Variants in FHIT observed in about 807,000 individuals in gnomAD.
The protein encoded by FHIT is bis(5'-adenosyl)-triphosphatase.
Under a neutral mutation model 17.9 loss-of-function variants are expected in FHIT, and 19 were observed. The observed-to-expected ratio is 1.06, with a 90% CI of 0.74 to 1.56. FHIT has a LOEUF of 1.56. Ranked by LOEUF, FHIT falls within the 40% of genes most tolerant of loss-of-function variation. The probability of loss-of-function intolerance (pLI) is 0.00; values close to 1 mark genes in which losing one functional copy is unlikely to be tolerated. For missense variants in FHIT, 248 were observed against 189.2 expected (o/e 1.31, Z -1.82); for synonymous variants, 81 against 69.7 (o/e 1.16, Z -0.81).
At chr3:60,554,237 C>T (rs530392686) in intron 4 of FHIT, among the ~76,000 whole-genome samples, 183 of 112,394 alleles carry the variant, frequency 1.6e-3, no homozygotes, top group African/African-American at 7.8e-3. Context: ...TTCATCTTAA[C>T]GGTTAAAAAA....
At chr3:60,478,769 A>G (rs1481975550) in intron 5 of FHIT, among the ~76,000 whole-genome samples, 2 of 152,220 alleles carry the variant, frequency 1.3e-5, no homozygotes, top group Admixed American at 6.5e-5. Context: ...TGCACAAATG[A>G]ACAAATACAT....
intron 5 of FHIT, among the ~76,000 whole-genome samples, chr3:60,174,598 G>C (rs1701582172): frequency 6.7e-6 from 1 of 148,210 alleles, no homozygotes; most frequent in African/African-American, 2.5e-5. Flanking sequence ...GAGAAGTCAA[G>C]TTGGAACCTG....
At chr3:61,228,096 G>C (rs75407634) in intron 1 of FHIT, among the ~76,000 whole-genome samples, 16,144 of 151,920 alleles carry the variant, frequency 0.11, 1,057 homozygotes, top group South Asian at 0.22. Context: ...CTGGGTGAAA[G>C]GTGGCAGAAT....
At chr3:59,956,908 C>G (rs951682239) in intron 7 of FHIT, among the ~76,000 whole-genome samples, 7 of 152,224 alleles carry the variant, frequency 4.6e-5, no homozygotes, top group Admixed American at 6.5e-5. Context: ...CTCCATTACT[C>G]TAACCCTCAG....
intron 3 of FHIT, among the ~76,000 whole-genome samples, chr3:60,884,511 C>T (rs1366298403): frequency 2.6e-5 from 4 of 152,098 alleles, no homozygotes; most frequent in African/African-American, 9.7e-5. Flanking sequence ...GTGGTATATA[C>T]ACACAATGAA....
At chr3:61,072,756 G>A (rs2034846258) in intron 2 of FHIT, among the ~76,000 whole-genome samples, 1 of 151,968 alleles carries the variant, frequency 6.6e-6, no homozygotes, top group South Asian at 2.1e-4. Flanking sequence ...GATCGTAAGT[G>A]ATACAAAAAG....
At chr3:59,854,841 A>G (rs887059000) in intron 8 of FHIT, among the ~76,000 whole-genome samples, 3 of 152,346 alleles carry the variant, frequency 2.0e-5, no homozygotes. Flanking sequence ...GGCCTTTGGT[A>G]TTAATAGGAG....
intron 3 of FHIT, among the ~76,000 whole-genome samples, chr3:60,986,993 C>T (rs1302330872): frequency 6.6e-6 from 1 of 152,156 alleles, no homozygotes; most frequent in African/African-American, 2.4e-5. Context: ...TATTCATCAT[C>T]TTGTTGCCAG....
intron 3 of FHIT, among the ~76,000 whole-genome samples, chr3:60,927,201 G>T (rs538869488): frequency 6.6e-6 from 1 of 152,140 alleles, no homozygotes; most frequent in South Asian, 2.1e-4. Context: ...GGGTTTCGCC[G>T]TGTTGGCCGG....
intron 5 of FHIT, among the ~76,000 whole-genome samples, chr3:60,378,316 A>G (rs1302627094): frequency 2.6e-5 from 4 of 152,136 alleles, no homozygotes; most frequent in Admixed American, 2.0e-4. Context: ...TAGTTTCCAC[A>G]CAAACAGGCT....
At chr3:60,417,055 C>T (rs907869539) in intron 5 of FHIT, among the ~76,000 whole-genome samples, 2 of 150,096 alleles carry the variant, frequency 1.3e-5, no homozygotes, top group African/African-American at 4.9e-5. Flanking sequence ...CACCACTGCA[C>T]TCCAGCCTGG....
At chr3:60,266,941 C>G (rs1404677540) in intron 5 of FHIT, among the ~76,000 whole-genome samples, 1 of 151,884 alleles carries the variant, frequency 6.6e-6, no homozygotes, top group Admixed American at 6.6e-5. Flanking sequence ...AAAAGTCAGG[C>G]AGGATAGAAA....
intron 5 of FHIT, among the ~76,000 whole-genome samples, chr3:60,199,280 T>C (rs1039888269): frequency 3.3e-5 from 5 of 152,204 alleles, no homozygotes; most frequent in African/African-American, 1.2e-4. Flanking sequence ...GCTGATGTCA[T>C]GAAACTGTCA....
chr3:60,029,905 G>C (rs868212200), intron 5 of FHIT, among the ~76,000 whole-genome samples: 9 of 147,460 alleles, frequency 6.1e-5, no homozygotes, highest in East Asian at 2.0e-4. Flanking sequence ...GTCTGTGTGT[G>C]TGTGTGTGTG....
chr3:59,799,144 A>G (rs1378002028), intron 8 of FHIT, among the ~76,000 whole-genome samples: 1 of 152,242 alleles, frequency 6.6e-6, no homozygotes, highest in East Asian at 1.9e-4. Context: ...TCTCTCAGAA[A>G]ATACCATTCT....
chr3:60,842,643 A>ATTTTT (rs1390675032), intron 3 of FHIT, among the ~76,000 whole-genome samples: 10 of 48,258 alleles, frequency 2.1e-4, no homozygotes, highest in African/African-American at 4.5e-4. Flanking sequence ...ATATATATAT[A>ATTTTT]TATTTTTTTT....
chr3:60,659,462 ATT>A (rs2040191116), intron 4 of FHIT, among the ~76,000 whole-genome samples: 1 of 150,984 alleles, frequency 6.6e-6, no homozygotes, highest in African/African-American at 2.4e-5. Context: ...CTTCTTCAAT[ATT>A]TTTTCTTTCT....
chr3:61,056,083 T>C (rs1273638515), intron 2 of FHIT, among the ~76,000 whole-genome samples: 1 of 152,248 alleles, frequency 6.6e-6, no homozygotes, highest in Non-Finnish European at 1.5e-5. Flanking sequence ...TCTTTCTTAC[T>C]ATTTTTTGTA....
intron 8 of FHIT, among the ~76,000 whole-genome samples, chr3:59,921,498 G>C (rs148280752): frequency 9.0e-4 from 137 of 152,342 alleles, no homozygotes; most frequent in African/African-American, 3.2e-3. Context: ...GCCCTTGGCA[G>C]GCGTTGCTAA....
Sources: allele counts gnomAD v4.1 joint callset (sites outside exome capture counted in the v4.1 genomes callset), GRCh38; gene constraint gnomAD v4.1.1; transcripts MANE v1.5; gene names NCBI Gene and HGNC (gene_info 2026-07-23, HGNC 2026-07-21).